The following NEK10 variants were observed in gnomAD, a reference collection of about 807,000 sequenced individuals.
NEK10 encodes the protein serine/threonine-protein kinase Nek10.
NEK10 carries 122 observed loss-of-function variants against 159.8 expected under a neutral mutation model. That is an observed-to-expected ratio of 0.76 (90% CI 0.66 to 0.89). NEK10 has a LOEUF of 0.89. NEK10 is among the 40% of genes least tolerant of loss of function. The probability of loss-of-function intolerance (pLI) is 0.00; values close to 1 mark genes in which losing one functional copy is unlikely to be tolerated. For synonymous variants in NEK10, 466 were observed against 457.1 expected (o/e 1.02, Z -0.25); for missense variants, 1,342 against 1,323.1 (o/e 1.01, Z -0.22).
At chr3:27,366,658 G>C (rs2049111545) in intron 1 of NEK10, among the ~76,000 whole-genome samples, 1 of 152,178 alleles carries the variant, frequency 6.6e-6, no homozygotes, top group African/African-American at 2.4e-5. Flanking sequence ...AGCTGTATCA[G>C]AGCTGTCGCC....
chr3:27,203,360 C>T (rs900165879), intron 23 of NEK10, among the ~76,000 whole-genome samples: 13 of 152,102 alleles, frequency 8.5e-5, no homozygotes, highest in Non-Finnish European at 1.3e-4. Flanking sequence ...AAATATGTTG[C>T]GGGAAATGAC....
chr3:27,170,105 CCT>C (rs912001016), intron 29 of NEK10, among the ~76,000 whole-genome samples: 2 of 152,164 alleles, frequency 1.3e-5, no homozygotes, highest in African/African-American at 2.4e-5. Context: ...TAAAGAACCC[CCT>C]GTCACATAAG....
At chr3:27,281,852 TGGGAG>T (rs1255484701) in intron 22 of NEK10, among the ~76,000 whole-genome samples, 1 of 152,002 alleles carries the variant, frequency 6.6e-6, no homozygotes, top group Non-Finnish European at 1.5e-5. Context: ...AAAACAAAAG[TGGGAG>T]TACTTATCAT....
At chr3:27,306,340 A>G (rs1013856190) in intron 11 of NEK10, among the ~76,000 whole-genome samples, 1 of 152,088 alleles carries the variant, frequency 6.6e-6, no homozygotes, top group Admixed American at 6.6e-5. Context: ...TCATTCTCAT[A>G]CGGCTTTCTC....
intron 26 of NEK10, among the ~76,000 whole-genome samples, chr3:27,186,777 A>G (rs935698435): frequency 1.3e-5 from 2 of 152,222 alleles, no homozygotes; most frequent in Non-Finnish European, 2.9e-5. Context: ...CACCTGGGAC[A>G]GAAGAATAGA....
intron 5 of NEK10, among the ~76,000 whole-genome samples, chr3:27,328,897 G>C (rs905037600): frequency 2.6e-5 from 4 of 152,144 alleles, no homozygotes; most frequent in African/African-American, 9.7e-5. Flanking sequence ...CAAAAGTACT[G>C]TTTTAAACAT....
intron 23 of NEK10, among the ~76,000 whole-genome samples, chr3:27,217,165 G>C (rs1239281632): frequency 6.6e-6 from 1 of 152,026 alleles, no homozygotes; most frequent in African/African-American, 2.4e-5. Flanking sequence ...GTGAGTCATG[G>C]CCTCAGATGG....
rs1003725727 is a variant in NEK10, at chr3:27,280,876, ATG to A, written c.2014+3724_2014+3725del. ...TACTGTTTAGTTATATATGTTTTAT[ATG>A]TGTGTGTGTATATGTGTGTGTATAT... is the stretch of plus-strand genomic sequence containing the variant. On this transcript the variant is annotated intron_variant, in intron 22 of 35. Transcript: ENST00000691995. 2.7e-5 allele frequency among the ~76,000 whole-genome samples: 4 copies of A among 150,394 alleles called. No homozygotes were observed. The Admixed American group carries it at 2.7e-4, about 10-fold the overall frequency.
At chr3:27,135,376 C>T (rs1026701740) in intron 31 of NEK10, among the ~76,000 whole-genome samples, 2 of 152,206 alleles carry the variant, frequency 1.3e-5, no homozygotes, top group African/African-American at 4.8e-5. Context: ...ATTACTTCCT[C>T]AAAGTCACAC....
At chr3:27,184,307 A>G (rs1225728143) in intron 26 of NEK10, among the ~76,000 whole-genome samples, 1 of 152,228 alleles carries the variant, frequency 6.6e-6, no homozygotes, top group African/African-American at 2.4e-5. Context: ...TGTCATGGAA[A>G]AAAAGCCAGC....
intron 3 of NEK10, among the ~76,000 whole-genome samples, chr3:27,348,061 G>A (rs1047322757): frequency 2.0e-5 from 3 of 151,996 alleles, no homozygotes; most frequent in African/African-American, 7.3e-5. Context: ...TTTGCTAAAC[G>A]AATAAAATTT....
At chr3:27,223,691 C>T (rs1225278001) in intron 23 of NEK10, among the ~76,000 whole-genome samples, 1 of 152,112 alleles carries the variant, frequency 6.6e-6, no homozygotes, top group African/African-American at 2.4e-5. Context: ...CATTGTGGCT[C>T]CTCAAGGTTT....
At chr3:27,190,741 C>T (rs1048154052) in intron 26 of NEK10, among the ~76,000 whole-genome samples, 4 of 152,152 alleles carry the variant, frequency 2.6e-5, no homozygotes, top group Admixed American at 6.6e-5. Context: ...ATAGCTAAAT[C>T]TCTTGCATTT....
chr3:27,253,768 C>T (rs911703035), intron 23 of NEK10, among the ~76,000 whole-genome samples: 7 of 152,094 alleles, frequency 4.6e-5, no homozygotes, highest in Admixed American at 2.0e-4. Flanking sequence ...ATGTCCACAT[C>T]CCAGGTCCAC....
chr3:27,193,404 A>G (rs1559585039), intron 25 of NEK10, among the ~76,000 whole-genome samples: 1 of 152,084 alleles, frequency 6.6e-6, no homozygotes, highest in African/African-American at 2.4e-5. Flanking sequence ...AAATTCTTCA[A>G]TAGTTCTCAT....
At chr3:27,174,339 T>G in intron 28 of NEK10, 100 bp downstream of exon 28, 4 of 1,575,628 alleles carry the variant, frequency 2.5e-6, no homozygotes, top group Non-Finnish European at 3.4e-6. Context: ...AACAAACCAC[T>G]GGGTTATGTA....
At position 27,171,778 on chromosome 3, in the gene NEK10, C is replaced by T. The variant is rs189223940; in HGVS notation, c.2831+41G>A. The T allele has an allele frequency of 2.3e-4, 364 of 1,606,930 alleles. 1 individual carries two copies. The African/African-American group carries it at 4.6e-3, about 20-fold the overall frequency. ...TCAGCTGAGTTATTACTCAGCTCTG[C>T]AAAATCAAAAAATATTTCTAGGAGT... On this transcript the variant is annotated intron_variant, in intron 29 of 35. Coordinates refer to ENST00000691995, the MANE Select transcript of NEK10 (RefSeq NM_001394966.1).
At chr3:27,265,027 G>A (rs1020104004) in intron 22 of NEK10, among the ~76,000 whole-genome samples, 25 of 152,216 alleles carry the variant, frequency 1.6e-4, no homozygotes, top group African/African-American at 3.4e-4. Context: ...TGCAAAAAGC[G>A]TCAGCAAAAT....
chr3:27,264,375 G>A (rs1174041238), intron 22 of NEK10, among the ~76,000 whole-genome samples: 3 of 152,114 alleles, frequency 2.0e-5, no homozygotes, highest in African/African-American at 7.2e-5. Flanking sequence ...CATGAACACA[G>A]ACACAAAAAT....
Sources: gnomAD v4.1 joint callset for allele counts (sites outside exome capture counted in the v4.1 genomes callset) on GRCh38, gnomAD v4.1.1 for gene constraint, MANE v1.5 for transcripts, NCBI Gene and HGNC (gene_info 2026-07-23, HGNC 2026-07-21) for gene names.